Variants in SMAP1 observed in about 807,000 individuals in gnomAD.
The protein encoded by SMAP1 is small ArfGAP 1.
A neutral mutation model predicts 58.5 loss-of-function variants in SMAP1; 24 were observed. The ratio of observed to expected loss-of-function variants is 0.41; its 90% CI spans 0.30 to 0.58. The LOEUF (loss-of-function observed/expected upper bound fraction) is 0.58, where lower values mean the gene tolerates loss of function less well. Ranked by LOEUF, SMAP1 falls within the 20% of genes least tolerant of loss-of-function variation. SMAP1 has a pLI of 0.29. For missense variants in SMAP1, 563 were observed against 566.3 expected (o/e 0.99, Z 0.06); for synonymous variants, 216 against 196.6 (o/e 1.10, Z -0.82).
chr6:70,802,149 A>C (rs777853710), intron 6 of SMAP1, among the ~76,000 whole-genome samples: 2 of 152,228 alleles, frequency 1.3e-5, no homozygotes, highest in Non-Finnish European at 2.9e-5. Flanking sequence ...ATCTATGAGC[A>C]TGGAATGTTC....
chr6:70,759,535 A>C (rs921740380), intron 3 of SMAP1, among the ~76,000 whole-genome samples: 3 of 152,112 alleles, frequency 2.0e-5, no homozygotes, highest in Non-Finnish European at 4.4e-5. Flanking sequence ...TCAAATTATC[A>C]TGAAGGATAT....
intron 6 of SMAP1, among the ~76,000 whole-genome samples, chr6:70,817,706 AGAGGG>A (rs1769699948): frequency 6.6e-6 from 1 of 152,166 alleles, no homozygotes; most frequent in East Asian, 1.9e-4. Flanking sequence ...TTGATTTTAA[AGAGGG>A]GTCAAAAAAT....
At chr6:70,765,652 A>G (rs12203399) in intron 3 of SMAP1, among the ~76,000 whole-genome samples, 36,604 of 152,048 alleles carry the variant, frequency 0.24, 5,456 homozygotes, top group Non-Finnish European at 0.33. Context: ...TTACCACATC[A>G]TTTATTTATT....
At chr6:70,756,836 G>A (rs946832837) in intron 3 of SMAP1, among the ~76,000 whole-genome samples, 1 of 152,042 alleles carries the variant, frequency 6.6e-6, no homozygotes, top group Non-Finnish European at 1.5e-5. Context: ...TCTTCAAGGA[G>A]AACTACAAAC....
chr6:70,835,979 T>C (rs1330773024), intron 6 of SMAP1, among the ~76,000 whole-genome samples: 2 of 152,144 alleles, frequency 1.3e-5, no homozygotes, highest in Non-Finnish European at 2.9e-5. Flanking sequence ...TAAAAAGTAA[T>C]TAATAATGTA....
chr6:70,681,539 A>G (rs1766710939), intron 1 of SMAP1, among the ~76,000 whole-genome samples: 1 of 152,224 alleles, frequency 6.6e-6, no homozygotes, highest in Non-Finnish European at 1.5e-5. Context: ...TTTTTGTAAC[A>G]TATACACTCC....
At chr6:70,708,446 T>G (rs913147297) in intron 1 of SMAP1, among the ~76,000 whole-genome samples, 1 of 152,200 alleles carries the variant, frequency 6.6e-6, no homozygotes, top group Non-Finnish European at 1.5e-5. Flanking sequence ...AGTCCAGATG[T>G]CTCTATGAAG....
intron 2 of SMAP1, among the ~76,000 whole-genome samples, chr6:70,741,921 G>C (rs957282171): frequency 1.3e-5 from 2 of 152,330 alleles, no homozygotes; most frequent in East Asian, 1.9e-4. Flanking sequence ...ACCCTCTGGA[G>C]CCATGGTCTG....
At chr6:70,682,170 A>ATTTTTTTTTTTTTTTTTTT (rs66981900) in intron 1 of SMAP1, among the ~76,000 whole-genome samples, 2 of 95,920 alleles carry the variant, frequency 2.1e-5, no homozygotes, top group Non-Finnish European at 3.9e-5. Context: ...CTCTGCACAG[A>ATTTTTTTTTTTTTTTTTTT]TTTTTTTTTT....
chr6:70,689,305 G>A (rs1245680420), intron 1 of SMAP1, among the ~76,000 whole-genome samples: 2 of 152,218 alleles, frequency 1.3e-5, no homozygotes, highest in East Asian at 1.9e-4. Flanking sequence ...CACTGTGCCC[G>A]GCCTGAGAAC....
At chr6:70,739,222 CA>C (rs1419832933) in intron 2 of SMAP1, among the ~76,000 whole-genome samples, 1 of 151,986 alleles carries the variant, frequency 6.6e-6, no homozygotes, top group African/African-American at 2.4e-5. Flanking sequence ...CAGTTTATTG[CA>C]AAAAAGTTTT....
At chr6:70,816,216 A>G (rs560451637) in intron 6 of SMAP1, among the ~76,000 whole-genome samples, 2 of 152,174 alleles carry the variant, frequency 1.3e-5, no homozygotes, top group Non-Finnish European at 2.9e-5. Flanking sequence ...TGTAAGGCAT[A>G]TTTTGGCAAT....
chr6:70,693,322 T>TTTTA (rs775647492), intron 1 of SMAP1, among the ~76,000 whole-genome samples: 655 of 115,100 alleles, frequency 5.7e-3, no homozygotes, highest in Non-Finnish European at 9.7e-3. Context: ...TTTTTTTTTT[T>TTTTA]AAGACAGAGT....
At chr6:70,782,115 A>G (rs1431128336) in intron 4 of SMAP1, among the ~76,000 whole-genome samples, 2 of 152,212 alleles carry the variant, frequency 1.3e-5, no homozygotes, top group African/African-American at 4.8e-5. Context: ...GACACCACCA[A>G]TTTCCAGCAA....
rs952967770 is a variant in SMAP1, at chr6:70,853,371, A to G, written c.789+707A>G. Among the ~76,000 whole-genome samples, 5 of 152,216 alleles carry G rather than the reference A, an allele frequency of 3.3e-5. No individual in the cohort carries two copies. The East Asian group carries it at 9.6e-4, about 29-fold the overall frequency. On this transcript the variant is annotated intron_variant, in intron 8 of 10. Coordinates refer to ENST00000370455, the MANE Select transcript of SMAP1 (RefSeq NM_001044305.3). ...CAGGAAACAAACTACTCTTAAGCATACAACATTAAGATTCTATCTTAAGTT... is the reference window on the plus strand; with the variant it reads ...CAGGAAACAAACTACTCTTAAGCATGCAACATTAAGATTCTATCTTAAGTT...
At chr6:70,781,569 A>T (rs1767766060) in intron 4 of SMAP1, among the ~76,000 whole-genome samples, 2 of 152,224 alleles carry the variant, frequency 1.3e-5, no homozygotes, top group African/African-American at 4.8e-5. Flanking sequence ...AGGAATTTCT[A>T]AAATGAGATT....
chr6:70,823,214 T>C (rs1196248025), intron 6 of SMAP1, among the ~76,000 whole-genome samples: 1 of 152,154 alleles, frequency 6.6e-6, no homozygotes, highest in Non-Finnish European at 1.5e-5. Flanking sequence ...CTAGACATGA[T>C]GTAGTGGGTG....
At chr6:70,804,809 A>G (rs1454215367) in intron 6 of SMAP1, among the ~76,000 whole-genome samples, 1 of 152,176 alleles carries the variant, frequency 6.6e-6, no homozygotes, top group Non-Finnish European at 1.5e-5. Flanking sequence ...TTCTTTAAGA[A>G]TGTTGTATAT....
chr6:70,858,214 GTGGAGCCT>G lies in SMAP1; in HGVS notation c.1255_1262del (p.Trp419LeufsTer14). ...GCCTGCCGCAAGCTCAGCAGCCCCA[GTGGAGCCT>G]CTCACAGGTAGGGGTCATTTACTTT... On this transcript the variant is annotated frameshift_variant, in exon 10 of 11. Coordinates refer to ENST00000370455, the MANE Select transcript of SMAP1 (RefSeq NM_001044305.3). LOFTEE classifies it high-confidence loss of function. 6.2e-7 allele frequency: 1 copy of G among 1,600,938 alleles called. No homozygotes were observed. The highest frequency in any genetic ancestry group is 8.5e-7 in the Non-Finnish European group (1 of 1,172,270).
Sources: allele counts gnomAD v4.1 joint callset (sites outside exome capture counted in the v4.1 genomes callset), GRCh38; gene constraint gnomAD v4.1.1; transcripts MANE v1.5; gene names NCBI Gene and HGNC (gene_info 2026-07-23, HGNC 2026-07-21).